Variants in SYN3 observed in about 807,000 individuals in gnomAD.
The protein encoded by SYN3 is synapsin-3.
A neutral mutation model predicts 65.8 loss-of-function variants in SYN3; 35 were observed. That is an observed-to-expected ratio of 0.53 (90% CI 0.41 to 0.70). SYN3 has a LOEUF of 0.70. SYN3 is among the 30% of genes least tolerant of loss of function. The probability of loss-of-function intolerance (pLI) is 0.00; values close to 1 mark genes in which losing one functional copy is unlikely to be tolerated. For missense variants in SYN3, 680 were observed against 749.0 expected (o/e 0.91, Z 1.08); for synonymous variants, 270 against 292.9 (o/e 0.92, Z 0.80).
At chr22:32,530,440 C>A (rs1312917838) in intron 10 of SYN3, among the ~76,000 whole-genome samples, 1 of 152,180 alleles carries the variant, frequency 6.6e-6, no homozygotes, top group Non-Finnish European at 1.5e-5. Context: ...CCTCCCACTG[C>A]ATCAGGCTAA....
intron 6 of SYN3, among the ~76,000 whole-genome samples, chr22:32,603,182 GGTA>G (rs935339894): frequency 5.9e-5 from 9 of 151,904 alleles, no homozygotes; most frequent in African/African-American, 2.2e-4. Flanking sequence ...CTTTATGGAT[GGTA>G]GCATCCTTTC....
chr22:32,656,790 C>T (rs1164145869), intron 6 of SYN3, among the ~76,000 whole-genome samples: 1 of 152,112 alleles, frequency 6.6e-6, no homozygotes, highest in South Asian at 2.1e-4. Context: ...GCTGAATGCC[C>T]GTAGGAGGAA....
chr22:32,934,166 G>A (rs766997011), intron 3 of SYN3, among the ~76,000 whole-genome samples: 174 of 152,180 alleles, frequency 1.1e-3, no homozygotes, highest in Non-Finnish European at 1.8e-3. Flanking sequence ...AAGAAGAAAA[G>A]TTGTTGCTTA....
At chr22:32,809,820 A>G (rs2046865225) in intron 6 of SYN3, among the ~76,000 whole-genome samples, 1 of 152,172 alleles carries the variant, frequency 6.6e-6, no homozygotes, top group Non-Finnish European at 1.5e-5. Context: ...TATGCCTAAA[A>G]TAGCTCCTGG....
chr22:32,799,201 A>G (rs1602174365), intron 6 of SYN3, among the ~76,000 whole-genome samples: 3 of 152,312 alleles, frequency 2.0e-5, no homozygotes, highest in Admixed American at 1.3e-4. Flanking sequence ...GTGAGAACCA[A>G]ACTGCCTTCA....
At chr22:32,820,109 G>A (rs1220568820) in intron 6 of SYN3, among the ~76,000 whole-genome samples, 15 of 151,956 alleles carry the variant, frequency 9.9e-5, no homozygotes, top group South Asian at 4.2e-4. Flanking sequence ...TGTAGGTGTC[G>A]TTCCTGGCTC....
At position 32,653,645 on chromosome 22, in the gene SYN3, G is replaced by T. The variant is rs867742832; in HGVS notation, c.712-56909C>A. Among the ~76,000 whole-genome samples, 83 of 152,278 alleles carry T rather than the reference G, an allele frequency of 5.5e-4. 1 individual carries two copies. Among genetic ancestry groups the T allele is most frequent in the African/African-American group, 1.9e-3 (80 of 41,554 alleles). Reference sequence around the variant, plus strand: ...AGCTTCCAGTCAGAAGATGCAGGAGGTGAAAAGTTGGGGGTCAGGAGGTAG... The same window carrying T: ...AGCTTCCAGTCAGAAGATGCAGGAGTTGAAAAGTTGGGGGTCAGGAGGTAG... On this transcript the variant is annotated intron_variant, in intron 6 of 13. Transcript: ENST00000358763.
chr22:32,876,961 T>C (rs1429230765), intron 4 of SYN3, among the ~76,000 whole-genome samples: 1 of 152,226 alleles, frequency 6.6e-6, no homozygotes, highest in East Asian at 1.9e-4. Context: ...AGATGATAGA[T>C]AAATAGACGG....
At chr22:32,872,462 G>A (rs1027892438) in intron 4 of SYN3, among the ~76,000 whole-genome samples, 1 of 152,192 alleles carries the variant, frequency 6.6e-6, no homozygotes, top group South Asian at 2.1e-4. Flanking sequence ...GTAACACCAC[G>A]AAGAAATTCA....
At chr22:32,900,771 T>C (rs1211339823) in intron 4 of SYN3, among the ~76,000 whole-genome samples, 1 of 152,226 alleles carries the variant, frequency 6.6e-6, no homozygotes, top group African/African-American at 2.4e-5. Context: ...GGTCATTATC[T>C]CACCATCCTA....
chr22:32,870,593 T>C (rs774016664), intron 4 of SYN3, among the ~76,000 whole-genome samples: 2 of 152,320 alleles, frequency 1.3e-5, no homozygotes, highest in African/African-American at 2.4e-5. Flanking sequence ...TTTTGTAAGA[T>C]ACCCAAAAAA....
intron 6 of SYN3, among the ~76,000 whole-genome samples, chr22:32,821,369 C>T (rs1017499298): frequency 6.6e-6 from 1 of 152,208 alleles, no homozygotes; most frequent in Non-Finnish European, 1.5e-5. Flanking sequence ...TGAAGATCTG[C>T]ACTTGCTCTT....
At position 32,839,018 on chromosome 22, in the gene SYN3, C is replaced by T. The variant is rs1166476234; in HGVS notation, c.711+25897G>A. ...TGGCCTGGGGTGGACAGAAGGCTTC[C>T]TGGAGGAGGTAGCATTTCAGCTGGG... On this transcript the variant is annotated intron_variant, in intron 6 of 13. Transcript: ENST00000358763. Among the ~76,000 whole-genome samples, 6 of 151,410 alleles carry T rather than the reference C, an allele frequency of 4.0e-5. No individual in the cohort carries two copies. In the South Asian group the frequency reaches 1.3e-3, roughly 32 times the overall value.
chr22:32,990,407 G>GCCATCCAGCCATCCAT (rs2052675771), intron 2 of SYN3, among the ~76,000 whole-genome samples: 1 of 144,622 alleles, frequency 6.9e-6, no homozygotes, highest in Non-Finnish European at 1.5e-5. Context: ...CATCCATCCA[G>GCCATCCAGCCATCCAT]CCATCCATCC....
At chr22:32,676,568 C>T (rs374993201) in intron 6 of SYN3, among the ~76,000 whole-genome samples, 1,624 of 120,786 alleles carry the variant, frequency 0.013, 42 homozygotes, top group African/African-American at 0.05. Flanking sequence ...GACAGAGTCT[C>T]GCTCCGTTGC....
chr22:32,839,563 A>G (rs576718825), intron 6 of SYN3, among the ~76,000 whole-genome samples: 138 of 152,260 alleles, frequency 9.1e-4, no homozygotes, highest in African/African-American at 3.3e-3. Flanking sequence ...CAGCCCTAGG[A>G]CTTTTGCCCT....
At chr22:32,979,213 AAAAAG>A (rs989462561) in intron 3 of SYN3, among the ~76,000 whole-genome samples, 8 of 151,456 alleles carry the variant, frequency 5.3e-5, no homozygotes, top group African/African-American at 1.9e-4. Flanking sequence ...AGAAAGAAAG[AAAAAG>A]AAAAGAAAAG....
At chr22:32,779,003 C>A (rs1341871116) in intron 6 of SYN3, among the ~76,000 whole-genome samples, 2 of 152,134 alleles carry the variant, frequency 1.3e-5, no homozygotes, top group African/African-American at 4.8e-5. Flanking sequence ...AACGATGGCT[C>A]AAGACAGACA....
chr22:32,787,299 C>T (rs1401807604), intron 6 of SYN3, among the ~76,000 whole-genome samples: 1 of 152,152 alleles, frequency 6.6e-6, no homozygotes, highest in African/African-American at 2.4e-5. Flanking sequence ...CCTCTTGCTT[C>T]AACCTCCCAA....
Sources: allele counts gnomAD v4.1 joint callset (sites outside exome capture counted in the v4.1 genomes callset), GRCh38; gene constraint gnomAD v4.1.1; transcripts MANE v1.5; gene names NCBI Gene and HGNC (gene_info 2026-07-23, HGNC 2026-07-21).